The following STIM1 variants were observed in gnomAD, a reference collection of about 807,000 sequenced individuals.
STIM1 encodes the protein stromal interaction molecule 1.
STIM1 carries 25 observed loss-of-function variants against 74.7 expected under a neutral mutation model. The observed-to-expected ratio is 0.33, with a 90% CI of 0.24 to 0.47. The LOEUF (loss-of-function observed/expected upper bound fraction) is 0.47, where lower values mean the gene tolerates loss of function less well. Ranked by LOEUF, STIM1 falls within the 20% of genes least tolerant of loss-of-function variation. STIM1 has a pLI of 1.00. For synonymous variants in STIM1, 328 were observed against 348.8 expected (o/e 0.94, Z 0.66); for missense variants, 728 against 920.8 (o/e 0.79, Z 2.71).
intron 10 of STIM1, 45 bp downstream of exon 10, chr11:4,083,543 A>G (rs1179042582): frequency 9.6e-6 from 15 of 1,559,040 alleles, no homozygotes; most frequent in Non-Finnish European, 1.3e-5. Flanking sequence ...CCTTTGATGT[A>G]CAGGTTGAGA....
intron 1 of STIM1, among the ~76,000 whole-genome samples, 162 bp downstream of exon 1, chr11:3,856,571 G>A (rs1030777417): frequency 6.6e-6 from 1 of 152,254 alleles, no homozygotes; most frequent in Non-Finnish European, 1.5e-5. Context: ...TTTCTGGTCA[G>A]TAGTCATGGC....
In STIM1 at chr11:4,008,868, C is replaced by T. The variant is rs550672720; in HGVS notation, c.271-15005C>T. ...CAGGAATTGATTTTTTTTTCATTGA[C>T]GTTATAAAGAAATGACATTGAAAGA... On this transcript the variant is annotated intron_variant, in intron 2 of 12. Coordinates refer to ENST00000526596, the MANE Select transcript of STIM1 (RefSeq NM_001382567.1). 2.0e-4 allele frequency among the ~76,000 whole-genome samples: 31 copies of T among 151,862 alleles called. No individual in the cohort carries two copies. In the South Asian group the frequency reaches 3.7e-3, roughly 18 times the overall value.
intron 10 of STIM1, chr11:4,083,781 A>G (rs1371566830): frequency 2.1e-5 from 8 of 387,366 alleles, no homozygotes; most frequent in Non-Finnish European, 3.7e-5. Flanking sequence ...CTACCACTCT[A>G]TCTACCTTTA....
At chr11:4,029,379 A>T (rs1033993232) in intron 3 of STIM1, among the ~76,000 whole-genome samples, 4 of 151,906 alleles carry the variant, frequency 2.6e-5, no homozygotes, top group Admixed American at 6.6e-5. Context: ...GTTGAAAATT[A>T]AAAAATTGCT....
At chr11:3,983,944 G>A (rs1286529507) in intron 2 of STIM1, among the ~76,000 whole-genome samples, 1 of 151,520 alleles carries the variant, frequency 6.6e-6, no homozygotes, top group Non-Finnish European at 1.5e-5. Context: ...TCGGCTCACT[G>A]CAACCTCCGC....
chr11:3,938,059 G>A (rs1387570028), intron 1 of STIM1, among the ~76,000 whole-genome samples: 1 of 151,552 alleles, frequency 6.6e-6, no homozygotes, highest in African/African-American at 2.4e-5. Context: ...TCAGCCTCCC[G>A]AGTAGCTGGG....
intron 2 of STIM1, among the ~76,000 whole-genome samples, chr11:3,991,965 A>G (rs1169858487): frequency 1.3e-4 from 14 of 106,154 alleles, no homozygotes; most frequent in Non-Finnish European, 2.8e-4. Context: ...AAAAAAAAAA[A>G]AAAAAAAGAA....
At chr11:3,881,653 G>A (rs751980455) in intron 1 of STIM1, among the ~76,000 whole-genome samples, 1 of 150,514 alleles carries the variant, frequency 6.6e-6, no homozygotes, top group Non-Finnish European at 1.5e-5. Flanking sequence ...TTACAGGCGT[G>A]AGCCACCGTG....
intron 5 of STIM1, among the ~76,000 whole-genome samples, chr11:4,065,378 T>G (rs1274511348): frequency 6.6e-6 from 1 of 152,200 alleles, no homozygotes; most frequent in East Asian, 1.9e-4. Flanking sequence ...CAATTTGCCC[T>G]TCAAGCTTTC....
At chr11:3,882,098 T>C (rs2091531416) in intron 1 of STIM1, among the ~76,000 whole-genome samples, 1 of 143,926 alleles carries the variant, frequency 6.9e-6, no homozygotes, top group Admixed American at 6.9e-5. Flanking sequence ...ATTCCTTTTT[T>C]TTTTTTTTTT....
intron 3 of STIM1, among the ~76,000 whole-genome samples, chr11:4,042,544 A>G (rs113556599): frequency 6.6e-6 from 1 of 152,148 alleles, no homozygotes; most frequent in Non-Finnish European, 1.5e-5. Context: ...TAGCTGCTCA[A>G]TAAATGTTTT....
chr11:3,997,984 C>T (rs760566870), intron 2 of STIM1, among the ~76,000 whole-genome samples: 6 of 152,100 alleles, frequency 3.9e-5, no homozygotes, highest in Admixed American at 6.6e-5. Context: ...AGAAAATATC[C>T]GTTTTCTACC....
chr11:4,090,938 TTTC>T (rs1404085042), intron 12 of STIM1, among the ~76,000 whole-genome samples: 1 of 151,908 alleles, frequency 6.6e-6, no homozygotes, highest in Non-Finnish European at 1.5e-5. Context: ...CACTTTTCCC[TTTC>T]TTGTCTTTCT....
At chr11:4,012,313 G>A (rs1310435563) in intron 2 of STIM1, among the ~76,000 whole-genome samples, 1 of 152,144 alleles carries the variant, frequency 6.6e-6, no homozygotes, top group Non-Finnish European at 1.5e-5. Context: ...ATTACCTTGG[G>A]CAGTGTGGCC....
At chr11:3,895,936 G>C (rs1164176573) in intron 1 of STIM1, among the ~76,000 whole-genome samples, 2 of 133,500 alleles carry the variant, frequency 1.5e-5, no homozygotes, top group East Asian at 2.2e-4. Context: ...ATGGAGTCTT[G>C]CTCTGTTGCC....
At chr11:3,906,762 A>G (rs2092471728) in intron 1 of STIM1, among the ~76,000 whole-genome samples, 1 of 152,224 alleles carries the variant, frequency 6.6e-6, no homozygotes, top group African/African-American at 2.4e-5. Flanking sequence ...TGCTGAGCAC[A>G]GTGCTAGGCA....
chr11:3,870,896 T>C (rs1402439120), intron 1 of STIM1, among the ~76,000 whole-genome samples: 1 of 133,074 alleles, frequency 7.5e-6, no homozygotes, highest in South Asian at 2.5e-4. Flanking sequence ...TTTTTTGAGA[T>C]GAAGTCTTGC....
intron 3 of STIM1, among the ~76,000 whole-genome samples, chr11:4,053,903 C>T (rs544706510): frequency 6.6e-5 from 10 of 152,184 alleles, no homozygotes; most frequent in East Asian, 1.9e-4. Context: ...CTACCATGCC[C>T]GGCCTATATT....
At chr11:3,907,090 G>T (rs959405547) in intron 1 of STIM1, among the ~76,000 whole-genome samples, 1 of 152,108 alleles carries the variant, frequency 6.6e-6, no homozygotes, top group Non-Finnish European at 1.5e-5. Context: ...TGAGGGGTGG[G>T]GACAGGGTTA....
Sources: gnomAD v4.1 joint callset for allele counts (sites outside exome capture counted in the v4.1 genomes callset) on GRCh38, gnomAD v4.1.1 for gene constraint, MANE v1.5 for transcripts, NCBI Gene and HGNC (gene_info 2026-07-23, HGNC 2026-07-21) for gene names.